GRIA1: variants seen among roughly 807,000 people sequenced by gnomAD.
GRIA1 encodes the protein glutamate ionotropic receptor AMPA type subunit 1, also known as glutamate receptor 1.
A neutral mutation model predicts 99.2 loss-of-function variants in GRIA1; 31 were observed. That is an observed-to-expected ratio of 0.31 (90% CI 0.23 to 0.42). The LOEUF is 0.42. Among genes scored for constraint, GRIA1 ranks in the 10% least tolerant of loss-of-function variants. The probability of loss-of-function intolerance (pLI) is 1.00; values close to 1 mark genes in which losing one functional copy is unlikely to be tolerated. For missense variants in GRIA1, 782 were observed against 1,157.5 expected (o/e 0.68, Z 4.71); for synonymous variants, 438 against 432.4 (o/e 1.01, Z -0.16).
chr5:153,580,285 C>G (rs898464813), intron 2 of GRIA1, among the ~76,000 whole-genome samples: 1 of 152,172 alleles, frequency 6.6e-6, no homozygotes, highest in South Asian at 2.1e-4. Context: ...TTGGGTCTGA[C>G]CTCGAGCCTG....
At chr5:153,795,461 C>T (rs961212717) in intron 14 of GRIA1, 10 of 1,338,692 alleles carry the variant, frequency 7.5e-6, no homozygotes, top group Non-Finnish European at 1.1e-5. Context: ...TATGTTATTT[C>T]CCCCCTGGTT....
At position 153,524,884 on chromosome 5, in the gene GRIA1, A is replaced by G. The variant is rs761870775; in HGVS notation, c.220+30819A>G. ...TAGGAAATATTGCTACTGAAAGTCA[A>G]AGATCACTCATTAAGTCCATCTCAT... is the stretch of plus-strand genomic sequence containing the variant. On this transcript the variant is annotated intron_variant, in intron 2 of 15. Transcript: ENST00000285900. Among the ~76,000 whole-genome samples, 19 of 152,236 alleles carry G rather than the reference A, an allele frequency of 1.2e-4. 1 individual carries two copies. Among genetic ancestry groups the G allele is most frequent in the Non-Finnish European group, 1.8e-4 (12 of 68,032 alleles).
chr5:153,621,268 G>A (rs1471989252), intron 2 of GRIA1, among the ~76,000 whole-genome samples: 2 of 152,094 alleles, frequency 1.3e-5, no homozygotes, highest in African/African-American at 4.8e-5. Flanking sequence ...GTCTCCTTAT[G>A]ATGTGTTATA....
At chr5:153,497,631 CT>C (rs1241407646) in intron 2 of GRIA1, among the ~76,000 whole-genome samples, 2 of 152,166 alleles carry the variant, frequency 1.3e-5, no homozygotes, top group African/African-American at 4.8e-5. Flanking sequence ...GAACTTTTTA[CT>C]TCTTGAATCA....
At position 153,782,485 on chromosome 5, in the gene GRIA1, A is replaced by C. The variant is rs182790808; in HGVS notation, c.2270+12070A>C. Among the ~76,000 whole-genome samples, 571 of 152,316 alleles carry C rather than the reference A, an allele frequency of 3.7e-3. 8 individuals carry two copies. The South Asian group carries it at 0.057, about 15-fold the overall frequency. Reference sequence around the variant, plus strand: ...TCACATATTCTCATTTTTCAAAAGAAACTAGAAATCTCAATTTTTATATAA... The same window carrying C: ...TCACATATTCTCATTTTTCAAAAGACACTAGAAATCTCAATTTTTATATAA... On this transcript the variant is annotated intron_variant, in intron 13 of 15. Transcript: ENST00000285900.
At chr5:153,790,762 T>C (rs1196719079) in intron 13 of GRIA1, among the ~76,000 whole-genome samples, 1 of 152,144 alleles carries the variant, frequency 6.6e-6, no homozygotes, top group African/African-American at 2.4e-5. Flanking sequence ...AGTTAACATT[T>C]AACACACACC....
At chr5:153,603,189 T>C (rs1765145099) in intron 2 of GRIA1, among the ~76,000 whole-genome samples, 1 of 152,164 alleles carries the variant, frequency 6.6e-6, no homozygotes, top group Non-Finnish European at 1.5e-5. Flanking sequence ...TTTTTGTCTT[T>C]GTGATAGTTT....
chr5:153,653,445 G>A (rs1754715952), intron 4 of GRIA1, among the ~76,000 whole-genome samples: 1 of 152,142 alleles, frequency 6.6e-6, no homozygotes, highest in African/African-American at 2.4e-5. Context: ...AAGAGTTTAG[G>A]GTTTATTCTG....
At chr5:153,589,753 C>G (rs896871876) in intron 2 of GRIA1, among the ~76,000 whole-genome samples, 1 of 151,844 alleles carries the variant, frequency 6.6e-6, no homozygotes, top group Non-Finnish European at 1.5e-5. Flanking sequence ...GATAAACTAT[C>G]GAGAACAGAA....
chr5:153,707,451 A>G (rs1758983742), intron 11 of GRIA1, among the ~76,000 whole-genome samples: 1 of 152,216 alleles, frequency 6.6e-6, no homozygotes, highest in South Asian at 2.1e-4. Context: ...AATTTGCCTG[A>G]TAAATAAGCA....
chr5:153,570,049 T>G (rs1761979565), intron 2 of GRIA1, among the ~76,000 whole-genome samples: 1 of 152,184 alleles, frequency 6.6e-6, no homozygotes, highest in African/African-American at 2.4e-5. Flanking sequence ...AACCAGATGG[T>G]CTTTTCCTGT....
At position 153,491,291 on chromosome 5, in the gene GRIA1, A is replaced by G. The variant is rs184978422; in HGVS notation, c.82+321A>G. The G allele has an allele frequency of 1.0e-4, 133 of 1,273,370 alleles. No homozygotes were observed. In the African/African-American group the frequency reaches 1.7e-3, roughly 16 times the overall value. 78.9% of individuals were successfully genotyped at this position (1,273,370 alleles called of 1,614,324 possible). On this transcript the variant is annotated intron_variant, in intron 1 of 15. Coordinates refer to ENST00000285900, the MANE Select transcript of GRIA1 (RefSeq NM_000827.4). ...AAGGGTGGTGGGTGTTTAAGGAGTT[A>G]ACTCTATTGCTTGGTAGATGGTGCT...
intron 15 of GRIA1, among the ~76,000 whole-genome samples, chr5:153,803,768 T>A (rs530624048): frequency 6.6e-6 from 1 of 152,268 alleles, no homozygotes; most frequent in African/African-American, 2.4e-5. Flanking sequence ...TCAACAGACA[T>A]TTGCCTCCAA....
At chr5:153,603,388 G>A (rs1271590752) in intron 2 of GRIA1, among the ~76,000 whole-genome samples, 2 of 151,908 alleles carry the variant, frequency 1.3e-5, no homozygotes, top group African/African-American at 4.8e-5. Context: ...AACATAACGT[G>A]TGCATGTGTC....
At chr5:153,785,424 A>T (rs1389503049) in intron 13 of GRIA1, among the ~76,000 whole-genome samples, 1 of 152,228 alleles carries the variant, frequency 6.6e-6, no homozygotes, top group Non-Finnish European at 1.5e-5. Context: ...AATTACAAAA[A>T]AATAAAATGG....
chr5:153,663,345 CA>C (rs1330604043), intron 5 of GRIA1, among the ~76,000 whole-genome samples: 5 of 152,228 alleles, frequency 3.3e-5, no homozygotes, highest in African/African-American at 1.2e-4. Context: ...CATTGGGCCA[CA>C]CTGCCCAAAC....
intron 2 of GRIA1, among the ~76,000 whole-genome samples, chr5:153,639,480 T>TCTTTAGC (rs1753635484): frequency 6.6e-6 from 1 of 152,212 alleles, no homozygotes; most frequent in South Asian, 2.1e-4. Context: ...TGAGACTGCT[T>TCTTTAGC]CTTTAGCCTT....
chr5:153,632,180 G>C (rs1423556606), intron 2 of GRIA1, among the ~76,000 whole-genome samples: 1 of 152,186 alleles, frequency 6.6e-6, no homozygotes, highest in Non-Finnish European at 1.5e-5. Context: ...GGGCAAGGTG[G>C]AGGCAGGGAT....
intron 2 of GRIA1, among the ~76,000 whole-genome samples, chr5:153,592,325 T>C (rs1332850457): frequency 6.6e-6 from 1 of 152,148 alleles, no homozygotes; most frequent in East Asian, 1.9e-4. Context: ...ATAGATGAAT[T>C]CTACTACTTC....
Sources: gnomAD v4.1 joint callset for allele counts (sites outside exome capture counted in the v4.1 genomes callset) on GRCh38, gnomAD v4.1.1 for gene constraint, MANE v1.5 for transcripts, NCBI Gene and HGNC (gene_info 2026-07-23, HGNC 2026-07-21) for gene names.